The following SLC25A4 variants were observed in gnomAD, a reference collection of about 807,000 sequenced individuals.
The protein encoded by SLC25A4 is solute carrier family 25 member 4.
Under a neutral mutation model 24.7 loss-of-function variants are expected in SLC25A4, and 10 were observed. The observed-to-expected ratio is 0.41, with a 90% CI of 0.25 to 0.69. SLC25A4 has a LOEUF of 0.69. Ranked by LOEUF, SLC25A4 falls within the 30% of genes least tolerant of loss-of-function variation. The probability of loss-of-function intolerance (pLI) is 0.35; values close to 1 mark genes in which losing one functional copy is unlikely to be tolerated. For synonymous variants in SLC25A4, 125 were observed against 153.3 expected, an observed-to-expected ratio of 0.82 and a Z score of 1.36; for missense variants, 273 against 387.6, an observed-to-expected ratio of 0.70 and a Z score of 2.48.
At position 185,147,219 on chromosome 4, in the gene SLC25A4, TGAA is replaced by T. The variant is rs1188494015; in HGVS notation, c.*252_*254del. 7 of 437,298 alleles carry T rather than the reference TGAA, an allele frequency of 1.6e-5. No individual in the cohort carries two copies. Among genetic ancestry groups the T allele is most frequent in the South Asian group, 3.1e-5 (1 of 32,222 alleles). 27.1% of individuals were successfully genotyped at this position (437,298 alleles called of 1,614,324 possible). A position where few individuals can be genotyped will look rare whatever the true frequency, so the allele number is the denominator to read the frequency against. Reference sequence around the variant, plus strand: ...AATTTATCATACTTGTACAATTAACTGAAGAATTGATAATAACTGAATGTGAAA... The same window carrying T: ...AATTTATCATACTTGTACAATTAACTGAATTGATAATAACTGAATGTGAAA... On this transcript the variant is annotated 3_prime_UTR_variant, in exon 4 of 4. Coordinates refer to ENST00000281456, the MANE Select transcript of SLC25A4 (RefSeq NM_001151.4).
At chr4:185,144,692 T>G in intron 1 of SLC25A4, 72 bp from the exon 2 acceptor site, 1 of 1,518,128 alleles carries the variant, frequency 6.6e-7, no homozygotes, top group South Asian at 1.2e-5. Flanking sequence ...GTGCAAACCT[T>G]TTTTTTTCTC....
At chr4:185,146,495 A>T (rs1734444904) in intron 3 of SLC25A4, among the ~76,000 whole-genome samples, 1 of 152,166 alleles carries the variant, frequency 6.6e-6, no homozygotes, top group African/African-American at 2.4e-5. Context: ...GGTCCTCCAT[A>T]AAAAAAGGTA....
chr4:185,143,432 C>T lies in SLC25A4; in HGVS notation c.60C>T (p.Ala20=). ...TCCTGGCCGGGGGCGTCGCCGCTGCCGTCTCCAAGACCGCGGTCGCCCCCA... is the reference window on the plus strand; with the variant it reads ...TCCTGGCCGGGGGCGTCGCCGCTGCTGTCTCCAAGACCGCGGTCGCCCCCA... ...KDFLAGGVAA[A]VSKTAVAPIE... The change falls in exon 1 of 4, where the codon GCC becomes GCT. Residue 20 remains alanine (A), a synonymous_variant. Coordinates refer to ENST00000281456, the MANE Select transcript of SLC25A4 (RefSeq NM_001151.4). 5 of 1,519,602 alleles carry T rather than the reference C, an allele frequency of 3.3e-6. No homozygotes were observed. The highest frequency in any genetic ancestry group is 1.2e-5 in the South Asian group (1 of 81,080). The allele number at this position is 1,519,602 out of a possible 1,614,324, so 94.1% of individuals were successfully genotyped here.
Position 185,143,405 on chromosome 4 carries a change from C to G in SLC25A4, c.33C>G (p.Asp11Glu). The G allele has an allele frequency of 6.5e-7, 1 of 1,528,304 alleles. No individual in the cohort carries two copies. The highest frequency in any genetic ancestry group is 1.2e-5 in the South Asian group (1 of 81,794). 94.7% of individuals were successfully genotyped at this position (1,528,304 alleles called of 1,614,324 possible). Reference protein sequence around the residue: MGDHAWSFLKDFLAGGVAAAV... With the variant: MGDHAWSFLKEFLAGGVAAAV... ...ATCACGCTTGGAGCTTCCTAAAGGA[C>G]TTCCTGGCCGGGGGCGTCGCCGCTG... The change falls in exon 1 of 4, where the codon GAC (aspartate) becomes GAG (glutamate). Residue 11 changes from aspartate to glutamate, a missense_variant. Asp to Glu is a conservative substitution (Grantham distance 45). Coordinates refer to ENST00000281456, the MANE Select transcript of SLC25A4 (RefSeq NM_001151.4).
intron 3 of SLC25A4, 71 bp from the exon 4 acceptor site, chr4:185,146,743 C>A: frequency 6.4e-7 from 1 of 1,566,552 alleles, no homozygotes; most frequent in South Asian, 1.1e-5. Context: ...ACAGTGTGTA[C>A]AGATATGTTT....
chr4:185,146,722 T>G, intron 3 of SLC25A4, 92 bp from the exon 4 acceptor site: 2 of 1,480,868 alleles, frequency 1.4e-6, no homozygotes, highest in African/African-American at 2.8e-5. Flanking sequence ...CCTGATTTTA[T>G]AAAACTGGTA....
chr4:185,144,607 C>T lies in SLC25A4; in HGVS notation c.112-157C>T, dbSNP rs569176260. Among the ~76,000 whole-genome samples the T allele has an allele frequency of 2.1e-4, 32 of 152,130 alleles. No homozygotes were observed. The East Asian group carries it at 4.8e-3, about 23-fold the overall frequency. On this transcript the variant is annotated intron_variant, in intron 1 of 3. Coordinates refer to ENST00000281456, the MANE Select transcript of SLC25A4 (RefSeq NM_001151.4). ...GTTATCCAGTAACTAACATGGATAA[C>T]AGTATCCATTTACACGTCCTCAGTA... is the stretch of plus-strand genomic sequence containing the variant.
In SLC25A4 at chr4:185,147,079, G is replaced by A; in HGVS notation, c.*108G>A. ...TCCTAGGGGAAGTAAAAAGATCTGGGATAAAACCAGACTGAAAGGAATACC... is the reference window on the plus strand; with the variant it reads ...TCCTAGGGGAAGTAAAAAGATCTGGAATAAAACCAGACTGAAAGGAATACC... On this transcript the variant is annotated 3_prime_UTR_variant, in exon 4 of 4. Transcript: ENST00000281456. The A allele has an allele frequency of 1.0e-6, 1 of 988,916 alleles. No homozygotes were observed. Among genetic ancestry groups the A allele is most frequent in the Non-Finnish European group, 1.5e-6 (1 of 647,474 alleles). 61.3% of individuals were successfully genotyped at this position (988,916 alleles called of 1,614,324 possible). A position where few individuals can be genotyped will look rare whatever the true frequency, so the allele number is the denominator to read the frequency against.
In SLC25A4 at chr4:185,144,620, C is replaced by A. The variant is rs187727241; in HGVS notation, c.112-144C>A. On this transcript the variant is annotated intron_variant, in intron 1 of 3. Transcript: ENST00000281456. Reference sequence around the variant, plus strand: ...TAACATGGATAACAGTATCCATTTACACGTCCTCAGTATCCATTTGATTTC... The same window carrying A: ...TAACATGGATAACAGTATCCATTTAAACGTCCTCAGTATCCATTTGATTTC... The A allele has an allele frequency of 2.1e-4, 156 of 736,866 alleles. No individual in the cohort carries two copies. The African/African-American group carries it at 2.5e-3, about 12-fold the overall frequency. The allele number at this position is 736,866 out of a possible 1,614,324, so 45.6% of individuals were successfully genotyped here.
In SLC25A4 at chr4:185,145,788, ATT is replaced by A; in HGVS notation, c.632_633del (p.Phe211CysfsTer21). 6.2e-7 allele frequency: 1 copy of A among 1,614,180 alleles called. No individual in the cohort carries two copies. Among genetic ancestry groups the A allele is most frequent in the Non-Finnish European group, 8.5e-7 (1 of 1,180,028 alleles). ...GMLPDPKNVH[I>X]FVSWMIAQSV... ...GCTGCCTGACCCCAAGAACGTGCAC[ATT>A]TTTGTGAGCTGGATGATTGCCCAGA... On this transcript the variant is annotated frameshift_variant, in exon 3 of 4. Transcript: ENST00000281456. LOFTEE classifies it high-confidence loss of function. The surrounding 1 kb of genome is among the most constrained non-coding windows in gnomAD (Gnocchi z 5.5).
In SLC25A4 at chr4:185,143,348, G is replaced by A. The variant is rs3733652; in HGVS notation, c.-25G>A. ...GCGAGAGCACGAACGGGCTGCCTGCGGGCTGAGAGCGTCGAGCTGTCACCA... is the reference window on the plus strand; with the variant it reads ...GCGAGAGCACGAACGGGCTGCCTGCAGGCTGAGAGCGTCGAGCTGTCACCA... On this transcript the variant is annotated 5_prime_UTR_variant, in exon 1 of 4. Transcript: ENST00000281456. 35,522 of 1,401,616 alleles carry A rather than the reference G, an allele frequency of 0.025. 1,155 individuals carry two copies. The highest frequency in any genetic ancestry group is 0.11 in the East Asian group (3,979 of 37,794). 86.8% of individuals were successfully genotyped at this position (1,401,616 alleles called of 1,614,324 possible). A position where few individuals can be genotyped will look rare whatever the true frequency, so the allele number is the denominator to read the frequency against.
At chr4:185,146,686 G>A in intron 3 of SLC25A4, 128 bp from the exon 4 acceptor site, 1 of 1,007,920 alleles carries the variant, frequency 9.9e-7, no homozygotes, top group Non-Finnish European at 1.6e-6. Context: ...ATGTTGCATG[G>A]AGCTGGGACT....
Position 185,146,666 on chromosome 4 carries a change from G to A in SLC25A4, c.740-148G>A. 3.6e-6 allele frequency: 3 copies of A among 822,966 alleles called. No homozygotes were observed. In the Admixed American group the frequency reaches 5.8e-5, roughly 16 times the overall value. 51.0% of individuals were successfully genotyped at this position (822,966 alleles called of 1,614,324 possible). ...CTGCCAGTGAAGCAAGGAAGGAGAT[G>A]TCCAGTGGGATGTTGCATGGAGCTG... On this transcript the variant is annotated intron_variant, in intron 3 of 3. Coordinates refer to ENST00000281456, the MANE Select transcript of SLC25A4 (RefSeq NM_001151.4).
At position 185,149,577 on chromosome 4, in the gene SLC25A4, GTACTTCCCTCAC is replaced by G; in HGVS notation, c.*2609_*2620del. ...CTGGGATCTGGCGGGAGAACAGGCA[GTACTTCCCTCAC>G]TAACCTACCCGCACGCCATACCATC... On this transcript the variant is annotated 3_prime_UTR_variant, in exon 4 of 4. Transcript: ENST00000281456. 2 of 152,340 alleles carry G rather than the reference GTACTTCCCTCAC, an allele frequency of 1.3e-5. No homozygotes were observed. Among genetic ancestry groups the G allele is most frequent in the East Asian group, 3.9e-4 (2 of 5,188 alleles). The allele number at this position is 152,340 out of a possible 1,614,324, so 9.4% of individuals were successfully genotyped here. A position where few individuals can be genotyped will look rare whatever the true frequency, so the allele number is the denominator to read the frequency against.
intron 1 of SLC25A4, among the ~76,000 whole-genome samples, chr4:185,144,215 C>T (rs1428145372): frequency 6.6e-6 from 1 of 152,122 alleles, no homozygotes; most frequent in Non-Finnish European, 1.5e-5. Flanking sequence ...GGCAGCAAAC[C>T]CTTAATAATT....
intron 3 of SLC25A4, among the ~76,000 whole-genome samples, chr4:185,146,380 A>G (rs1209958942): frequency 2.6e-5 from 4 of 152,224 alleles, no homozygotes; most frequent in Admixed American, 2.0e-4. Context: ...TAAAAGTCAA[A>G]AACAGTCCAA....
intron 1 of SLC25A4, among the ~76,000 whole-genome samples, chr4:185,143,948 G>A (rs925207009): frequency 6.6e-6 from 1 of 152,238 alleles, no homozygotes; most frequent in African/African-American, 2.4e-5. Context: ...TCATCTTTAT[G>A]TAACCTCTGT....
intron 3 of SLC25A4, among the ~76,000 whole-genome samples, chr4:185,146,554 G>A (rs907452868): frequency 2.6e-5 from 4 of 152,198 alleles, no homozygotes; most frequent in Non-Finnish European, 5.9e-5. Flanking sequence ...TTGTTTCGCA[G>A]TTGGGCAGTC....
intron 3 of SLC25A4, among the ~76,000 whole-genome samples, chr4:185,146,231 A>C (rs1734441230): frequency 6.6e-6 from 1 of 152,174 alleles, no homozygotes; most frequent in African/African-American, 2.4e-5. Flanking sequence ...GCTACTTCTT[A>C]CAAAGAACTC....
Sources: allele counts gnomAD v4.1 joint callset (sites outside exome capture counted in the v4.1 genomes callset), GRCh38; gene constraint gnomAD v4.1.1; non-coding constraint Gnocchi (gnomAD v3.1); transcripts MANE v1.5; gene names NCBI Gene and HGNC (gene_info 2026-07-23, HGNC 2026-07-21).